NAA25: variants seen among roughly 807,000 people sequenced by gnomAD.
NAA25 encodes the protein N-alpha-acetyltransferase 25, NatB auxiliary subunit, also known as N-terminal acetyltransferase B complex subunit NAA25.
In NAA25, 30 loss-of-function variants were observed where a neutral mutation model predicts 132.5. The ratio of observed to expected loss-of-function variants is 0.23; its 90% CI spans 0.17 to 0.31. The LOEUF (loss-of-function observed/expected upper bound fraction) is 0.31. Among genes scored for constraint, NAA25 ranks in the 10% least tolerant of loss-of-function variants. The pLI is 1.00. For missense variants in NAA25, 771 were observed against 1,150.4 expected, an observed-to-expected ratio of 0.67 and a Z score of 4.77; for synonymous variants, 359 against 401.9, an observed-to-expected ratio of 0.89 and a Z score of 1.28.
intron 22 of NAA25, among the ~76,000 whole-genome samples, chr12:112,038,233 T>C (rs1036194424): frequency 2.6e-5 from 4 of 152,250 alleles, no homozygotes; most frequent in African/African-American, 7.2e-5. Flanking sequence ...AGGCTGATCT[T>C]GAACTCCTGA....
chr12:112,086,388 C>T (rs907345075), intron 4 of NAA25, among the ~76,000 whole-genome samples: 6 of 151,000 alleles, frequency 4.0e-5, no homozygotes, highest in Non-Finnish European at 4.4e-5. Context: ...CCCAGCTACT[C>T]GGGAGGCTGA....
At chr12:112,080,038 T>G (rs1456635231) in intron 5 of NAA25, among the ~76,000 whole-genome samples, 1 of 151,862 alleles carries the variant, frequency 6.6e-6, no homozygotes, top group Non-Finnish European at 1.5e-5. Flanking sequence ...CCCAGCACAT[T>G]GGGAGGCCGA....
chr12:112,055,893 T>A (rs2078537096), intron 13 of NAA25, among the ~76,000 whole-genome samples: 1 of 152,176 alleles, frequency 6.6e-6, no homozygotes, highest in South Asian at 2.1e-4. Flanking sequence ...TTCTATATGC[T>A]GTTTTCCAGA....
At chr12:112,040,657 A>G (rs182090764) in intron 20 of NAA25, 79 bp from the exon 21 acceptor site, 3 of 749,534 alleles carry the variant, frequency 4.0e-6, no homozygotes, top group Non-Finnish European at 6.6e-6. Context: ...CAAATAAAGA[A>G]TAAGCAAATA....
chr12:112,106,125 C>T (rs993638658), intron 1 of NAA25, among the ~76,000 whole-genome samples: 3 of 152,184 alleles, frequency 2.0e-5, no homozygotes, highest in Non-Finnish European at 4.4e-5. Context: ...TTATACTAAT[C>T]GCCTTAGAAT....
At chr12:112,038,237 C>T (rs897667000) in intron 22 of NAA25, among the ~76,000 whole-genome samples, 1 of 152,168 alleles carries the variant, frequency 6.6e-6, no homozygotes, top group African/African-American at 2.4e-5. Context: ...TGATCTTGAA[C>T]TCCTGACCTC....
rs181455007 is a variant in NAA25 at position 112,031,635 on chromosome 12, G to A, written c.2796+1598C>T. On this transcript the variant is annotated intron_variant, in intron 23 of 23. Coordinates refer to ENST00000261745, the MANE Select transcript of NAA25 (RefSeq NM_024953.4). ...GAACTCTTGCTCATCATTCCAGGAT[G>A]CAGACAGATCTTTTAACATAAACAA... 3.3e-4 allele frequency among the ~76,000 whole-genome samples: 50 copies of A among 152,196 alleles called. 1 individual carries two copies. The East Asian group carries it at 8.5e-3, about 26-fold the overall frequency.
At chr12:112,100,224 C>T (rs985234467) in intron 1 of NAA25, among the ~76,000 whole-genome samples, 4 of 152,142 alleles carry the variant, frequency 2.6e-5, no homozygotes, top group African/African-American at 7.2e-5. Context: ...TGCAGTGGCA[C>T]GATCTCGGCT....
At chr12:112,036,216 A>G (rs372986827) in intron 22 of NAA25, among the ~76,000 whole-genome samples, 31 of 152,192 alleles carry the variant, frequency 2.0e-4, no homozygotes, top group Admixed American at 1.4e-3. Flanking sequence ...AATAAACTTT[A>G]TATGATATTA....
intron 5 of NAA25, among the ~76,000 whole-genome samples, chr12:112,079,438 A>C (rs1190872682): frequency 6.6e-6 from 1 of 152,100 alleles, no homozygotes; most frequent in African/African-American, 2.4e-5. Context: ...AATAATTTAA[A>C]AAATTAGCTA....
chr12:112,082,637 G>T (rs952680958), intron 4 of NAA25, among the ~76,000 whole-genome samples: 4 of 151,872 alleles, frequency 2.6e-5, no homozygotes, highest in African/African-American at 9.7e-5. Context: ...ACCATCCTAG[G>T]GTATTTCCAA....
At chr12:112,084,730 T>C (rs552042698) in intron 4 of NAA25, among the ~76,000 whole-genome samples, 3 of 151,658 alleles carry the variant, frequency 2.0e-5, no homozygotes, top group Admixed American at 6.6e-5. Flanking sequence ...GAGGTGGAGG[T>C]TGCAGTGAGC....
chr12:112,029,229 C>T lies in NAA25; in HGVS notation c.*302G>A. 3.1e-6 allele frequency: 1 copy of T among 320,038 alleles called. No individual in the cohort carries two copies. 19.8% of individuals were successfully genotyped at this position (320,038 alleles called of 1,614,324 possible). On this transcript the variant is annotated 3_prime_UTR_variant, in exon 24 of 24. Transcript: ENST00000261745. Reference sequence around the variant, plus strand: ...TGCTGTTTTTATAGACCCCCCGCTCCCCTGAAAAGATGTTTCTGGTGATGG... The same window carrying T: ...TGCTGTTTTTATAGACCCCCCGCTCTCCTGAAAAGATGTTTCTGGTGATGG...
chr12:112,038,528 C>A (rs1013151295), intron 22 of NAA25, among the ~76,000 whole-genome samples: 4 of 152,088 alleles, frequency 2.6e-5, no homozygotes, highest in African/African-American at 9.7e-5. Context: ...AGGTAAAGAT[C>A]TTTATGGGTG....
chr12:112,080,418 T>C (rs1049863685), intron 5 of NAA25, among the ~76,000 whole-genome samples: 1 of 151,630 alleles, frequency 6.6e-6, no homozygotes, highest in African/African-American at 2.4e-5. Context: ...ATGCCTGTAA[T>C]CCCAGCACTT....
intron 15 of NAA25, among the ~76,000 whole-genome samples, chr12:112,051,852 A>G (rs192059162): frequency 6.0e-4 from 92 of 152,344 alleles, no homozygotes; most frequent in Non-Finnish European, 9.8e-4. Context: ...TTCAGACACA[A>G]TATTTGTGGG....
rs78981331 is a variant in NAA25 at position 112,095,970 on chromosome 12, C to T, written c.59-2834G>A. 4.4e-3 allele frequency among the ~76,000 whole-genome samples: 666 copies of T among 152,144 alleles called. 45 individuals are homozygous for T. The East Asian group carries it at 0.13, about 29-fold the overall frequency. ...CAAAGAATGAAGCCTAAACTATTTA[C>T]GGATTTTAATTAACAATTATGTATC... On this transcript the variant is annotated intron_variant, in intron 1 of 23. Coordinates refer to ENST00000261745, the MANE Select transcript of NAA25 (RefSeq NM_024953.4).
At position 112,049,188 on chromosome 12, in the gene NAA25, A is replaced by G. The variant is rs2078428704; in HGVS notation, c.1729-745T>C. On this transcript the variant is annotated intron_variant, in intron 15 of 23. Coordinates refer to ENST00000261745, the MANE Select transcript of NAA25 (RefSeq NM_024953.4). The surrounding 1 kb of genome is among the most constrained non-coding windows in gnomAD (Gnocchi z 4.7). Reference sequence around the variant, plus strand: ...AATACATATACAGAGATCAAACATTACAGAACAGAGGCAAGATAAAGAATT... The same window carrying G: ...AATACATATACAGAGATCAAACATTGCAGAACAGAGGCAAGATAAAGAATT... Among the ~76,000 whole-genome samples the G allele has an allele frequency of 6.6e-6, 1 of 152,240 alleles. No homozygotes were observed. The highest frequency in any genetic ancestry group is 1.5e-5 in the Non-Finnish European group (1 of 68,040).
At chr12:112,051,189 A>C (rs1475419102) in intron 15 of NAA25, among the ~76,000 whole-genome samples, 6 of 152,182 alleles carry the variant, frequency 3.9e-5, no homozygotes, top group Non-Finnish European at 5.9e-5. Context: ...ATTAAGGTCA[A>C]GCTACATGTT....
Sources: allele counts gnomAD v4.1 joint callset (sites outside exome capture counted in the v4.1 genomes callset), GRCh38; gene constraint gnomAD v4.1.1; non-coding constraint Gnocchi (gnomAD v3.1); transcripts MANE v1.5; gene names NCBI Gene and HGNC (gene_info 2026-07-23, HGNC 2026-07-21).